RFX8: variants seen among roughly 807,000 people sequenced by gnomAD.
RFX8 encodes the protein DNA-binding protein RFX8.
RFX8 carries 46 observed loss-of-function variants against 54.6 expected under a neutral mutation model. The ratio of observed to expected loss-of-function variants is 0.84; its 90% CI spans 0.67 to 1.08. The LOEUF is 1.08. Among genes scored for constraint, RFX8 ranks in the 50% least tolerant of loss-of-function variants. RFX8 has a pLI of 0.00. For synonymous variants in RFX8, 192 were observed against 209.5 expected (o/e 0.92, Z 0.72); for missense variants, 536 against 562.3 (o/e 0.95, Z 0.47).
chr2:101,407,346 C>T (rs1342902457), intron 9 of RFX8, among the ~76,000 whole-genome samples: 1 of 152,178 alleles, frequency 6.6e-6, no homozygotes, highest in Non-Finnish European at 1.5e-5. Flanking sequence ...GAGCTCTTCC[C>T]ATCAGTGTTC....
At chr2:101,436,050 C>T (rs1236445155) in intron 2 of RFX8, among the ~76,000 whole-genome samples, 5 of 152,110 alleles carry the variant, frequency 3.3e-5, no homozygotes, top group Admixed American at 6.5e-5. Flanking sequence ...GTCACGACCC[C>T]CCTGCTGCAT....
At position 101,417,533 on chromosome 2, in the gene RFX8, C is replaced by A; in HGVS notation, c.502+1G>T. ...AATTTATTTTTTTCATCGAAACCTA[C>A]CTTTGAGTTTGGAGATCTGCAAGAG... On this transcript the variant is annotated splice_donor_variant, in intron 6 of 11. Transcript: ENST00000428343. LOFTEE classifies it high-confidence loss of function. 2 of 1,546,754 alleles carry A rather than the reference C, an allele frequency of 1.3e-6. No individual in the cohort carries two copies. The highest frequency in any genetic ancestry group is 1.7e-6 in the Non-Finnish European group (2 of 1,145,272).
At chr2:101,472,606 C>A (rs1690071755) in intron 1 of RFX8, among the ~76,000 whole-genome samples, 1 of 152,246 alleles carries the variant, frequency 6.6e-6, no homozygotes, top group African/African-American at 2.4e-5. Flanking sequence ...GGTGTCCAAT[C>A]TTTTCTTCCC....
intron 2 of RFX8, among the ~76,000 whole-genome samples, chr2:101,445,037 C>T (rs1688293958): frequency 6.6e-6 from 1 of 152,162 alleles, no homozygotes; most frequent in Non-Finnish European, 1.5e-5. Flanking sequence ...TGTAGTATTG[C>T]ATAGTGTGCT....
chr2:101,427,679 C>T (rs1687254904), intron 2 of RFX8, among the ~76,000 whole-genome samples: 2 of 152,140 alleles, frequency 1.3e-5, no homozygotes, highest in African/African-American at 4.8e-5. Flanking sequence ...CCTCTCTAAT[C>T]ACTCTTGCCT....
intron 2 of RFX8, among the ~76,000 whole-genome samples, chr2:101,457,698 G>C (rs992663813): frequency 6.6e-5 from 10 of 152,204 alleles, no homozygotes; most frequent in African/African-American, 2.4e-4. Flanking sequence ...ATTTGGGCTG[G>C]AGAGTTCTGT....
chr2:101,436,309 A>G (rs1465658491), intron 2 of RFX8, among the ~76,000 whole-genome samples: 1 of 152,138 alleles, frequency 6.6e-6, no homozygotes, highest in Non-Finnish European at 1.5e-5. Context: ...TTCATGGCCA[A>G]ATCTCTCTAC....
chr2:101,464,393 A>G (rs1336319537), intron 2 of RFX8, among the ~76,000 whole-genome samples: 1 of 152,236 alleles, frequency 6.6e-6, no homozygotes, highest in African/African-American at 2.4e-5. Context: ...AGTCTTACCC[A>G]TCACATGCCC....
chr2:101,425,101 C>T (rs1486434360), intron 2 of RFX8, among the ~76,000 whole-genome samples: 1 of 152,006 alleles, frequency 6.6e-6, no homozygotes, highest in African/African-American at 2.4e-5. Context: ...GTTGATCATA[C>T]TAAAGGATGG....
intron 2 of RFX8, among the ~76,000 whole-genome samples, chr2:101,426,349 A>T (rs1687167115): frequency 6.6e-6 from 1 of 151,942 alleles, no homozygotes; most frequent in African/African-American, 2.4e-5. Context: ...AAAATTAAAA[A>T]AAAACAAAAA....
chr2:101,459,958 A>G (rs1405212841), intron 2 of RFX8, among the ~76,000 whole-genome samples: 1 of 150,740 alleles, frequency 6.6e-6, no homozygotes, highest in Non-Finnish European at 1.5e-5. Flanking sequence ...GCCCCGCCCC[A>G]CCCCCCACCT....
intron 1 of RFX8, among the ~76,000 whole-genome samples, chr2:101,468,437 G>T (rs1181201070): frequency 6.6e-6 from 1 of 152,074 alleles, no homozygotes; most frequent in African/African-American, 2.4e-5. Context: ...GTATCTCTGA[G>T]AATTTTATTG....
chr2:101,456,391 A>T (rs1159962564), intron 2 of RFX8, among the ~76,000 whole-genome samples: 1 of 152,138 alleles, frequency 6.6e-6, no homozygotes, highest in Non-Finnish European at 1.5e-5. Context: ...CGTTCCATCA[A>T]TACCTAGTTT....
chr2:101,415,902 C>T (rs1298631738), intron 6 of RFX8, among the ~76,000 whole-genome samples: 1 of 152,202 alleles, frequency 6.6e-6, no homozygotes. Flanking sequence ...GGCTTTGACG[C>T]ATAGGTAGGA....
chr2:101,464,904 A>G (rs1689492268), intron 2 of RFX8, among the ~76,000 whole-genome samples: 1 of 152,168 alleles, frequency 6.6e-6, no homozygotes, highest in South Asian at 2.1e-4. Context: ...AAAACATGTC[A>G]AGCCAAAGTC....
chr2:101,469,093 A>C (rs2056068), intron 1 of RFX8, among the ~76,000 whole-genome samples: 740 of 15,136 alleles, frequency 0.049, 28 homozygotes, highest in African/African-American at 0.17. Flanking sequence ...TATATATATA[A>C]GTATATATAT....
At chr2:101,434,300 A>G (rs1426154631) in intron 2 of RFX8, among the ~76,000 whole-genome samples, 1 of 152,198 alleles carries the variant, frequency 6.6e-6, no homozygotes, top group East Asian at 1.9e-4. Context: ...AACAAGAACA[A>G]TCTTTCTTTA....
chr2:101,406,177 G>A, intron 9 of RFX8, 120 bp from the exon 10 acceptor site: 1 of 582,088 alleles, frequency 1.7e-6, no homozygotes, highest in African/African-American at 1.9e-5. Flanking sequence ...AGAAGAGGAA[G>A]ATGAAATAAC....
intron 11 of RFX8, among the ~76,000 whole-genome samples, chr2:101,400,043 G>C (rs1346094785): frequency 1.3e-5 from 2 of 152,154 alleles, no homozygotes; most frequent in African/African-American, 4.8e-5. Flanking sequence ...TATGCCAGCT[G>C]TAAAATGAGG....
Sources: allele counts gnomAD v4.1 joint callset (sites outside exome capture counted in the v4.1 genomes callset), GRCh38; gene constraint gnomAD v4.1.1; transcripts MANE v1.5; gene names NCBI Gene and HGNC (gene_info 2026-07-23, HGNC 2026-07-21).